The following SOX5 variants were observed in gnomAD, a reference collection of about 807,000 sequenced individuals.
SOX5 encodes the protein SRY-box transcription factor 5.
A neutral mutation model predicts 92.0 loss-of-function variants in SOX5; 9 were observed. The observed-to-expected ratio is 0.10, with a 90% CI of 0.06 to 0.17. The LOEUF (loss-of-function observed/expected upper bound fraction) is 0.17. Among genes scored for constraint, SOX5 ranks in the 10% least tolerant of loss-of-function variants. The pLI is 1.00. For missense variants in SOX5, 642 were observed against 944.5 expected, an observed-to-expected ratio of 0.68 and a Z score of 4.20; for synonymous variants, 344 against 336.3, an observed-to-expected ratio of 1.02 and a Z score of -0.25.
chr12:24,418,556 C>T (rs1055971331), intron 1 of SOX5, among the ~76,000 whole-genome samples: 3 of 152,218 alleles, frequency 2.0e-5, no homozygotes, highest in Non-Finnish European at 4.4e-5. Context: ...CCTGGAACTG[C>T]AGATGCTATC....
intron 2 of SOX5, among the ~76,000 whole-genome samples, chr12:24,348,733 T>A (rs1953670812): frequency 6.6e-6 from 1 of 152,028 alleles, no homozygotes; most frequent in South Asian, 2.1e-4. Flanking sequence ...TCAAATCTTA[T>A]CTTGAATTGT....
chr12:23,939,951 C>T (rs1173641663), intron 1 of SOX5, among the ~76,000 whole-genome samples: 2 of 151,004 alleles, frequency 1.3e-5, no homozygotes, highest in South Asian at 2.1e-4. Flanking sequence ...GTTGATCTTG[C>T]TACTTTCCAG....
intron 4 of SOX5, among the ~76,000 whole-genome samples, chr12:24,099,272 G>T (rs1005788682): frequency 2.0e-5 from 3 of 152,134 alleles, no homozygotes; most frequent in Non-Finnish European, 2.9e-5. Context: ...GGGTGTTTTA[G>T]GCCGGGATTC....
chr12:23,908,811 G>T (rs775370671), intron 1 of SOX5, among the ~76,000 whole-genome samples: 1 of 152,052 alleles, frequency 6.6e-6, no homozygotes, highest in Non-Finnish European at 1.5e-5. Flanking sequence ...CCTCTTCATT[G>T]GCTCCTTTCA....
At chr12:23,888,008 AT>A (rs1388202739) in intron 2 of SOX5, among the ~76,000 whole-genome samples, 4 of 151,346 alleles carry the variant, frequency 2.6e-5, no homozygotes, top group Non-Finnish European at 1.5e-5. Context: ...AAGTTAATTT[AT>A]TTTGATCACC....
rs1441909975 is a variant in SOX5 at position 23,846,201 on chromosome 12, A to T, written c.271-8T>A. Reference sequence around the variant, plus strand: ...TTTATTGCCATCAACTTCCTGAAAGAGAAAGCAAAATGACAAATAATTGTT... The same window carrying T: ...TTTATTGCCATCAACTTCCTGAAAGTGAAAGCAAAATGACAAATAATTGTT... On this transcript the variant is annotated splice_region_variant and splice_polypyrimidine_tract_variant and intron_variant, in intron 2 of 14. Coordinates refer to ENST00000451604, the MANE Select transcript of SOX5 (RefSeq NM_006940.6). 1 of 1,603,632 alleles carries T rather than the reference A, an allele frequency of 6.2e-7. No individual in the cohort carries two copies. Among genetic ancestry groups the T allele is most frequent in the East Asian group, 2.2e-5 (1 of 44,802 alleles).
intron 1 of SOX5, among the ~76,000 whole-genome samples, chr12:24,387,732 G>A (rs1448329158): frequency 6.6e-6 from 1 of 152,148 alleles, no homozygotes; most frequent in East Asian, 1.9e-4. Context: ...TACATAATCA[G>A]TAAAATTGTT....
intron 3 of SOX5, among the ~76,000 whole-genome samples, chr12:24,250,094 T>G (rs905806817): frequency 6.6e-6 from 1 of 152,188 alleles, no homozygotes; most frequent in Non-Finnish European, 1.5e-5. Context: ...AGATGTAAGA[T>G]TCTAGAAATC....
In SOX5 at chr12:23,998,500, G is replaced by C. The variant is rs563599620; in HGVS notation, c.-1-102476C>G. ...AATAATGGGAGTCTCAGAAAAAAGA[G>C]AGGAGGAAAAAAAGGGGCTAAAGGC... On this transcript the variant is annotated intron_variant, in intron 4 of 4. Coordinates refer to the SOX5 transcript ENST00000446891. Among the ~76,000 whole-genome samples, 164 of 152,044 alleles carry C rather than the reference G, an allele frequency of 1.1e-3. 1 individual carries two copies. Among genetic ancestry groups the C allele is most frequent in the African/African-American group, 3.6e-3 (151 of 41,512 alleles).
At chr12:24,153,511 G>T (rs888004105) in intron 4 of SOX5, among the ~76,000 whole-genome samples, 1 of 151,984 alleles carries the variant, frequency 6.6e-6, no homozygotes, top group East Asian at 1.9e-4. Context: ...TCTAGAAAAC[G>T]CCAGGATATT....
At chr12:24,374,812 A>T (rs372003332) in intron 1 of SOX5, among the ~76,000 whole-genome samples, 1 of 152,142 alleles carries the variant, frequency 6.6e-6, no homozygotes, top group East Asian at 1.9e-4. Flanking sequence ...ACAGTGATAC[A>T]GCCTCCCCCA....
At chr12:23,579,371 G>A (rs982414325) in intron 9 of SOX5, among the ~76,000 whole-genome samples, 1 of 151,922 alleles carries the variant, frequency 6.6e-6, no homozygotes, top group African/African-American at 2.4e-5. Flanking sequence ...CCAGGCTAAT[G>A]GTATATTAAT....
intron 4 of SOX5, among the ~76,000 whole-genome samples, chr12:24,149,286 A>G (rs1338725261): frequency 6.6e-6 from 1 of 152,184 alleles, no homozygotes; most frequent in Non-Finnish European, 1.5e-5. Flanking sequence ...CAGGTTACAG[A>G]AAATACAAAT....
At chr12:24,117,550 A>G (rs1194505875) in intron 4 of SOX5, among the ~76,000 whole-genome samples, 1 of 152,212 alleles carries the variant, frequency 6.6e-6, no homozygotes. Context: ...ACAGAAGCCA[A>G]CATATGAAAG....
intron 3 of SOX5, among the ~76,000 whole-genome samples, chr12:24,215,295 G>T (rs576197281): frequency 1.3e-5 from 2 of 152,202 alleles, no homozygotes; most frequent in African/African-American, 4.8e-5. Flanking sequence ...AGGCTGGAAA[G>T]AAAGAAGTAT....
chr12:24,559,069 T>C (rs1376256271), intron 1 of SOX5, among the ~76,000 whole-genome samples: 1 of 152,218 alleles, frequency 6.6e-6, no homozygotes, highest in African/African-American at 2.4e-5. Context: ...TTTAAAACAA[T>C]GTTTGGAACA....
intron 3 of SOX5, among the ~76,000 whole-genome samples, chr12:24,224,800 A>C (rs764072872): frequency 6.6e-6 from 1 of 152,210 alleles, no homozygotes; most frequent in Non-Finnish European, 1.5e-5. Flanking sequence ...ATGAGCACTG[A>C]TAAGTGCAAT....
intron 1 of SOX5, among the ~76,000 whole-genome samples, chr12:24,454,200 C>T (rs1270817980): frequency 2.6e-5 from 4 of 152,174 alleles, no homozygotes; most frequent in Non-Finnish European, 5.9e-5. Context: ...TGTCTACCGG[C>T]ATTTGGAAAA....
chr12:24,471,690 AG>A (rs1193538096), intron 1 of SOX5, among the ~76,000 whole-genome samples: 2 of 152,210 alleles, frequency 1.3e-5, no homozygotes, highest in African/African-American at 4.8e-5. Context: ...AAGAAATGTT[AG>A]GTGTGTTACT....
Sources: gnomAD v4.1 joint callset for allele counts (sites outside exome capture counted in the v4.1 genomes callset) on GRCh38, gnomAD v4.1.1 for gene constraint, MANE v1.5 for transcripts, NCBI Gene and HGNC (gene_info 2026-07-23, HGNC 2026-07-21) for gene names.